CNNM2: variants seen among roughly 807,000 people sequenced by gnomAD.
CNNM2 encodes the protein cyclin and CBS domain divalent metal cation transport mediator 2.
CNNM2 carries 12 observed loss-of-function variants against 66.9 expected under a neutral mutation model. That is an observed-to-expected ratio of 0.18 (90% CI 0.11 to 0.29). The LOEUF is 0.29. CNNM2 is among the 10% of genes least tolerant of loss of function. The pLI is 1.00. For missense variants in CNNM2, 705 were observed against 1,167.7 expected, an observed-to-expected ratio of 0.60 and a Z score of 5.77; for synonymous variants, 557 against 501.8, an observed-to-expected ratio of 1.11 and a Z score of -1.47.
At chr10:103,076,411 A>G in intron 7 of CNNM2, 141 bp downstream of exon 7, 1 of 787,320 alleles carries the variant, frequency 1.3e-6, no homozygotes, top group Non-Finnish European at 2.1e-6. Context: ...TCTCAACTAC[A>G]CACCCTGTCT....
intron 1 of CNNM2, among the ~76,000 whole-genome samples, chr10:103,046,673 G>A (rs1419392887): frequency 1.3e-5 from 2 of 152,166 alleles, no homozygotes; most frequent in African/African-American, 2.4e-5. Context: ...CAGTAGAAGA[G>A]TGCCATTGTT....
intron 4 of CNNM2, among the ~76,000 whole-genome samples, chr10:103,061,347 C>G (rs764280022): frequency 1.3e-5 from 2 of 152,024 alleles, no homozygotes; most frequent in Non-Finnish European, 1.5e-5. Flanking sequence ...GAGCTGAGAT[C>G]GCGCCACTGC....
At position 103,076,202 on chromosome 10, in the gene CNNM2, T is replaced by C; in HGVS notation, c.2350T>C (p.Ser784Pro). ...GGGGAGCAGCAATAACCAGCTCAATTCTTCGCTCCTCCAAGTCTACATCCC... is the reference window on the plus strand; with the variant it reads ...GGGGAGCAGCAATAACCAGCTCAATCCTTCGCTCCTCCAAGTCTACATCCC... The part of the protein sequence containing the change: ...TLGSSNNQLN[S>P]SLLQVYIPDY... The change falls in exon 7 of 8, where the codon TCT becomes CCT. Residue 784 changes from serine to proline, a missense_variant. Around this residue, in one of 9 missense-constraint regions of CNNM2, gnomAD observed 194 missense variants for 227.6 expected, o/e 0.85. Transcript: ENST00000369878. The C allele has an allele frequency of 2.5e-6, 4 of 1,591,014 alleles. No individual in the cohort carries two copies. The highest frequency in any genetic ancestry group is 3.4e-6 in the Non-Finnish European group (4 of 1,168,684).
chr10:102,992,382 C>T (rs969852721), intron 1 of CNNM2, among the ~76,000 whole-genome samples: 11 of 149,294 alleles, frequency 7.4e-5, no homozygotes, highest in African/African-American at 2.7e-4. Flanking sequence ...AAGTGATTCT[C>T]CTGCCTCAGT....
rs957443617 is a variant in CNNM2 at position 103,084,100 on chromosome 10, C to T, written c.*6920C>T. 6.6e-6 allele frequency: 1 copy of T among 152,186 alleles called. No individual in the cohort carries two copies. Among genetic ancestry groups the T allele is most frequent in the Non-Finnish European group, 1.5e-5 (1 of 68,040 alleles). The allele number at this position is 152,186 out of a possible 1,614,324, so 9.4% of individuals were successfully genotyped here. A position where few individuals can be genotyped will look rare whatever the true frequency, so the allele number is the denominator to read the frequency against. ...AGTCCCTGAAGAACTTACGGTGGAG[C>T]TTCAGGGACCCTCTGTGATCCATTC... On this transcript the variant is annotated 3_prime_UTR_variant, in exon 8 of 8. Transcript: ENST00000369878.
chr10:103,025,597 A>G (rs1230635285), intron 1 of CNNM2, among the ~76,000 whole-genome samples: 1 of 152,184 alleles, frequency 6.6e-6, no homozygotes, highest in East Asian at 1.9e-4. Context: ...GGACCCAGGC[A>G]TTTTCTTTGA....
intron 1 of CNNM2, among the ~76,000 whole-genome samples, chr10:102,990,261 C>A (rs573432468): frequency 1.3e-5 from 2 of 152,056 alleles, no homozygotes. Context: ...CCACCGCGCC[C>A]GGTTTAAGCC....
chr10:103,001,847 T>TA (rs1489164392), intron 1 of CNNM2, among the ~76,000 whole-genome samples: 1 of 143,556 alleles, frequency 7.0e-6, no homozygotes, highest in East Asian at 2.0e-4. Flanking sequence ...ATACTAAAAA[T>TA]ACAAAAATAG....
intron 1 of CNNM2, among the ~76,000 whole-genome samples, chr10:103,041,767 A>G (rs2134318275): frequency 6.6e-6 from 1 of 152,184 alleles, no homozygotes; most frequent in East Asian, 1.9e-4. Flanking sequence ...TGGCTTCCAA[A>G]ACACCCATTC....
At chr10:103,013,465 C>G (rs150641789) in intron 1 of CNNM2, among the ~76,000 whole-genome samples, 2 of 152,090 alleles carry the variant, frequency 1.3e-5, no homozygotes, top group African/African-American at 4.8e-5. Flanking sequence ...GAAGGGAAAT[C>G]TGCTACCTGG....
chr10:102,977,497 C>T (rs1223111000), intron 1 of CNNM2, among the ~76,000 whole-genome samples: 1 of 152,138 alleles, frequency 6.6e-6, no homozygotes, highest in Non-Finnish European at 1.5e-5. Context: ...TCTAAGGATC[C>T]TTAAGTTTCC....
rs773569776 is a variant in CNNM2 at position 102,935,604 on chromosome 10, A to AT, written c.1621+15503_1621+15504insT. ...TGAGCAGTATGGTCCTTTAAAAAAA[A>AT]ATTTTTTTTTTTTTTTTTTTGAGAC... On this transcript the variant is annotated intron_variant, in intron 1 of 7. Coordinates refer to ENST00000369878, the MANE Select transcript of CNNM2 (RefSeq NM_017649.5). Among the ~76,000 whole-genome samples the AT allele has an allele frequency of 0.09, 12,703 of 140,380 alleles. 600 individuals carry two copies. The highest frequency in any genetic ancestry group is 0.16 in the Middle Eastern group (43 of 276). The allele number at this position is 140,380 out of a possible 152,430, so 92.1% of individuals were successfully genotyped here. A position where few individuals can be genotyped will look rare whatever the true frequency, so the allele number is the denominator to read the frequency against.
chr10:102,947,779 C>T (rs1170036802), intron 1 of CNNM2, among the ~76,000 whole-genome samples: 1 of 151,874 alleles, frequency 6.6e-6, no homozygotes, highest in Admixed American at 6.6e-5. Flanking sequence ...AGGCCAGGCG[C>T]GGTGGCTCAT....
chr10:102,918,564 G>T lies in CNNM2; in HGVS notation c.84G>T (p.Ala28=). 1.3e-6 allele frequency: 2 copies of T among 1,587,756 alleles called. No homozygotes were observed. Among genetic ancestry groups the T allele is most frequent in the Non-Finnish European group, 1.7e-6 (2 of 1,170,956 alleles). ...AAAALPTWKM[A]ARRSLSARGR... The stretch of plus-strand genomic sequence containing the variant: ...CCGCACTGCCCACTTGGAAGATGGC[G>T]GCGCGCCGCAGCCTCAGCGCTCGCG... Residue 28 remains alanine (A), a synonymous_variant, in exon 1 of 8, where the codon GCG becomes GCT. Transcript: ENST00000369878. The surrounding 1 kb of genome is among the most constrained non-coding windows in gnomAD (Gnocchi z 4.1).
intron 1 of CNNM2, among the ~76,000 whole-genome samples, chr10:102,988,881 T>A (rs1417292174): frequency 6.6e-6 from 1 of 152,194 alleles, no homozygotes; most frequent in East Asian, 1.9e-4. Flanking sequence ...AACTTTCTCC[T>A]TAGTTGCTCT....
At chr10:102,923,824 A>G (rs1433962038) in intron 1 of CNNM2, among the ~76,000 whole-genome samples, 1 of 152,192 alleles carries the variant, frequency 6.6e-6, no homozygotes, top group Non-Finnish European at 1.5e-5. Flanking sequence ...TGCTTCTTCC[A>G]TGGGCTGCTC....
chr10:103,039,000 T>TAA (rs552083579), intron 1 of CNNM2, among the ~76,000 whole-genome samples: 20 of 148,366 alleles, frequency 1.3e-4, no homozygotes, highest in Non-Finnish European at 2.4e-4. Context: ...AATAAGTACT[T>TAA]AAAAAAAAAA....
At chr10:103,049,250 G>T (rs941129726) in intron 1 of CNNM2, among the ~76,000 whole-genome samples, 8 of 152,310 alleles carry the variant, frequency 5.3e-5, no homozygotes, top group African/African-American at 1.9e-4. Flanking sequence ...GTTCATCTGT[G>T]CTAAGGTGCC....
chr10:102,947,609 G>A (rs954268873), intron 1 of CNNM2, among the ~76,000 whole-genome samples: 3 of 151,872 alleles, frequency 2.0e-5, no homozygotes, highest in Non-Finnish European at 2.9e-5. Flanking sequence ...AAATTAGCTG[G>A]GCGTAGTGGT....
Sources: gnomAD v4.1 joint callset for allele counts (sites outside exome capture counted in the v4.1 genomes callset) on GRCh38, gnomAD v4.1.1 for gene constraint, gnomAD v4.1.1 regional missense constraint, Gnocchi (gnomAD v3.1) non-coding constraint, MANE v1.5 for transcripts, NCBI Gene and HGNC (gene_info 2026-07-23, HGNC 2026-07-21) for gene names.